GOLGA1: variants seen among roughly 807,000 people sequenced by gnomAD.
GOLGA1 encodes the protein golgin subfamily A member 1.
GOLGA1 carries 63 observed loss-of-function variants against 119.7 expected under a neutral mutation model. The ratio of observed to expected loss-of-function variants is 0.53; its 90% CI spans 0.43 to 0.65. The LOEUF (loss-of-function observed/expected upper bound fraction) is 0.65. GOLGA1 is among the 30% of genes least tolerant of loss of function. The pLI, the probability that GOLGA1 is intolerant of heterozygous loss-of-function variation, is 0.00. For synonymous variants in GOLGA1, 318 were observed against 333.4 expected (o/e 0.95, Z 0.50); for missense variants, 798 against 912.8 (o/e 0.87, Z 1.62).
chr9:124,919,996 C>T (rs967080893), intron 10 of GOLGA1, among the ~76,000 whole-genome samples: 5 of 151,734 alleles, frequency 3.3e-5, no homozygotes, highest in African/African-American at 9.7e-5. Context: ...CTCTCTGTCA[C>T]CCAGGCAGGC....
intron 13 of GOLGA1, 70 bp downstream of exon 13, chr9:124,900,382 G>A (rs1830077793): frequency 1.2e-6 from 1 of 823,980 alleles, no homozygotes; most frequent in Non-Finnish European, 2.1e-6. Context: ...GAATGAGTTT[G>A]GAGCATCTGC....
In GOLGA1 at chr9:124,889,197, C is replaced by T. The variant is rs1348845111; in HGVS notation, c.1707G>A (p.Leu569=). Residue 569 remains leucine, a synonymous_variant, in exon 18 of 23, where the codon CTG becomes CTA. Transcript: ENST00000373555. ...EAAVVAEQED[L]LRLRGPLQAE... ...CCTGCAATGGGCCCCGCAGCCTCAG[C>T]AGGTCCTCCTGCTCCGCGACCACTG... 9.3e-6 allele frequency: 15 copies of T among 1,612,784 alleles called. No individual in the cohort carries two copies. The East Asian group carries it at 3.1e-4, about 34-fold the overall frequency.
chr9:124,904,949 A>AT (rs1374002086), intron 12 of GOLGA1, among the ~76,000 whole-genome samples: 3 of 147,394 alleles, frequency 2.0e-5, no homozygotes, highest in African/African-American at 2.4e-5. Context: ...GTCTCAAAAA[A>AT]AAAAAATAAA....
intron 10 of GOLGA1, among the ~76,000 whole-genome samples, chr9:124,919,104 AAAATT>A (rs778005292): frequency 6.6e-6 from 1 of 151,994 alleles, no homozygotes; most frequent in East Asian, 1.9e-4. Context: ...ATAATAAAAA[AAAATT>A]AGCCTGTTGT....
At chr9:124,919,773 G>C (rs1830525974) in intron 10 of GOLGA1, among the ~76,000 whole-genome samples, 1 of 152,072 alleles carries the variant, frequency 6.6e-6, no homozygotes, top group Non-Finnish European at 1.5e-5. Context: ...GTGAGGGGAA[G>C]GGCTGGATGT....
upstream of GOLGA1, chr9:124,945,277 C>T (rs1057413865): frequency 6.6e-6 from 1 of 152,116 alleles, no homozygotes; most frequent in African/African-American, 2.4e-5. Flanking sequence ...TTTTTTAGGC[C>T]GGCCACAGTG....
chr9:124,937,047 T>G (rs1212419108), intron 3 of GOLGA1, among the ~76,000 whole-genome samples: 1 of 152,232 alleles, frequency 6.6e-6, no homozygotes, highest in Non-Finnish European at 1.5e-5. Context: ...CTTAACAGAA[T>G]TGATAGTGTT....
At chr9:124,899,557 A>T in intron 13 of GOLGA1, 79 bp from the exon 14 acceptor site, 1 of 1,364,354 alleles carries the variant, frequency 7.3e-7, no homozygotes, top group Non-Finnish European at 1.0e-6. Flanking sequence ...CTAGGTGAGA[A>T]GATGAGTATC....
chr9:124,930,505 A>G (rs763511001), intron 4 of GOLGA1, among the ~76,000 whole-genome samples: 9 of 152,200 alleles, frequency 5.9e-5, no homozygotes, highest in Non-Finnish European at 1.2e-4. Context: ...TGAACCTTTG[A>G]TAACTACATA....
At chr9:124,904,698 T>A (rs1177861613) in intron 12 of GOLGA1, among the ~76,000 whole-genome samples, 2 of 151,716 alleles carry the variant, frequency 1.3e-5, no homozygotes, top group Non-Finnish European at 2.9e-5. Flanking sequence ...TCCTACCACT[T>A]TGGGATGCTG....
chr9:124,915,330 A>G (rs942988227), intron 10 of GOLGA1, among the ~76,000 whole-genome samples: 14 of 152,226 alleles, frequency 9.2e-5, no homozygotes, highest in Non-Finnish European at 1.9e-4. Context: ...ATGAGTCCCT[A>G]TCTGTAAAGC....
At chr9:124,906,781 T>A (rs938246916) in intron 12 of GOLGA1, among the ~76,000 whole-genome samples, 1 of 151,888 alleles carries the variant, frequency 6.6e-6, no homozygotes, top group Non-Finnish European at 1.5e-5. Context: ...CATCACAGTA[T>A]CAACACAAAC....
rs1463534777 is a variant in GOLGA1 at position 124,938,819 on chromosome 9, C to T, written c.-108G>A. The T allele has an allele frequency of 2.4e-6, 2 of 849,762 alleles. No individual in the cohort carries two copies. Among genetic ancestry groups the T allele is most frequent in the Non-Finnish European group, 1.8e-6 (1 of 559,034 alleles). 52.6% of individuals were successfully genotyped at this position (849,762 alleles called of 1,614,324 possible). ...ACAAAGTTTCAGACATCCAAGCTAGCTGCATTCCCACTTAAATGTGGGCCA... is the reference window on the plus strand; with the variant it reads ...ACAAAGTTTCAGACATCCAAGCTAGTTGCATTCCCACTTAAATGTGGGCCA... On this transcript the variant is annotated 5_prime_UTR_variant, in exon 3 of 23. Coordinates refer to ENST00000373555, the MANE Select transcript of GOLGA1 (RefSeq NM_002077.4).
intron 10 of GOLGA1, among the ~76,000 whole-genome samples, chr9:124,912,869 T>C (rs969846621): frequency 6.6e-6 from 1 of 152,170 alleles, no homozygotes; most frequent in Non-Finnish European, 1.5e-5. Context: ...ATGATGGTAG[T>C]GGTGGTAGCA....
At chr9:124,926,543 A>G (rs1830676468) in intron 7 of GOLGA1, among the ~76,000 whole-genome samples, 166 bp downstream of exon 7, 1 of 152,144 alleles carries the variant, frequency 6.6e-6, no homozygotes, top group Admixed American at 6.6e-5. Context: ...CTGCACATTC[A>G]CCAAAAAAGG....
At chr9:124,940,566 C>A (rs1288246955) in intron 1 of GOLGA1, among the ~76,000 whole-genome samples, 1 of 150,418 alleles carries the variant, frequency 6.6e-6, no homozygotes, top group Non-Finnish European at 1.5e-5. Context: ...AAAAGCAAGG[C>A]AAAATTGGGT....
At chr9:124,926,145 T>C (rs1057225880) in intron 7 of GOLGA1, among the ~76,000 whole-genome samples, 1 of 152,158 alleles carries the variant, frequency 6.6e-6, no homozygotes, top group Non-Finnish European at 1.5e-5. Flanking sequence ...TTATCAAAGC[T>C]GTGGGATGGG....
rs1036469290 is a variant in GOLGA1 at position 124,912,643 on chromosome 9, C to A, written c.844-617G>T. 2.6e-5 allele frequency among the ~76,000 whole-genome samples: 4 copies of A among 152,228 alleles called. No homozygotes were observed. The East Asian group carries it at 7.7e-4, about 29-fold the overall frequency. On this transcript the variant is annotated intron_variant, in intron 10 of 22. Transcript: ENST00000373555. ...CTGCAACATCCACCTCCTGGGTTTA[C>A]GCCATTCTCCTGCCTCAGCCTCCCG...
chr9:124,909,777 T>C (rs943079383), intron 11 of GOLGA1, among the ~76,000 whole-genome samples: 39 of 152,112 alleles, frequency 2.6e-4, no homozygotes, highest in Non-Finnish European at 1.6e-4. Flanking sequence ...TTATTTATTA[T>C]TTTTGAGATG....
Sources: allele counts gnomAD v4.1 joint callset (sites outside exome capture counted in the v4.1 genomes callset), GRCh38; gene constraint gnomAD v4.1.1; transcripts MANE v1.5; gene names NCBI Gene and HGNC (gene_info 2026-07-23, HGNC 2026-07-21).